GALNT18: variants seen among roughly 807,000 people sequenced by gnomAD.
GALNT18 encodes polypeptide N-acetylgalactosaminyltransferase 18.
A neutral mutation model predicts 69.5 loss-of-function variants in GALNT18; 44 were observed. That is an observed-to-expected ratio of 0.63 (90% confidence interval 0.50 to 0.81). The LOEUF (loss-of-function observed/expected upper bound fraction) is 0.81, where lower values mean the gene tolerates loss of function less well. GALNT18 is among the 40% of genes least tolerant of loss of function. GALNT18 has a pLI of 0.00. For synonymous variants in GALNT18, 364 were observed against 318.2 expected (o/e 1.14, Z -1.53); for missense variants, 715 against 810.0 (o/e 0.88, Z 1.42).
At chr11:11,431,386 C>T (rs1324004470) in intron 3 of GALNT18, among the ~76,000 whole-genome samples, 1 of 152,160 alleles carries the variant, frequency 6.6e-6, no homozygotes, top group Non-Finnish European at 1.5e-5. Context: ...GGGTCCCAGG[C>T]TAGATGATGG....
chr11:11,344,740 C>A (rs1352366084), intron 6 of GALNT18, among the ~76,000 whole-genome samples: 2 of 151,978 alleles, frequency 1.3e-5, no homozygotes, highest in African/African-American at 4.8e-5. Flanking sequence ...AACACTGAGC[C>A]TACCTCAGTG....
At chr11:11,371,959 C>T (rs113256830) in intron 6 of GALNT18, among the ~76,000 whole-genome samples, 73 of 152,234 alleles carry the variant, frequency 4.8e-4, no homozygotes, top group African/African-American at 1.5e-3. Context: ...AGGAGAATGG[C>T]GTGAGGCAGG....
intron 10 of GALNT18, among the ~76,000 whole-genome samples, chr11:11,286,071 C>T (rs1849186877): frequency 1.3e-5 from 2 of 152,148 alleles, no homozygotes; most frequent in South Asian, 2.1e-4. Flanking sequence ...GAGAATGAAG[C>T]AAGCACAGGG....
chr11:11,416,030 A>G (rs1854849851), intron 3 of GALNT18, among the ~76,000 whole-genome samples: 1 of 152,194 alleles, frequency 6.6e-6, no homozygotes, highest in Non-Finnish European at 1.5e-5. Context: ...CTCAGCAAAC[A>G]ACTTTGTTTT....
rs1252443023 is a variant in GALNT18, at chr11:11,540,007, G to A, written c.235+81352C>T. Among the ~76,000 whole-genome samples, 1 of 152,148 alleles carries A rather than the reference G, an allele frequency of 6.6e-6. No individual in the cohort carries two copies. Among genetic ancestry groups the A allele is most frequent in the African/African-American group, 2.4e-5 (1 of 41,438 alleles). ...TACCAATGGGAAATGAGGGGAGACG[G>A]AGCTGCACAGGGGACCCCGATGCCA... On this transcript the variant is annotated intron_variant, in intron 1 of 10. Coordinates refer to ENST00000227756, the MANE Select transcript of GALNT18 (RefSeq NM_198516.3). The surrounding 1 kb of genome is among the most constrained non-coding windows in gnomAD (Gnocchi z 4.6).
rs1854546416 is a variant in GALNT18, at chr11:11,404,615, G to A, written c.596-25351C>T. ...AAACCTAAGCCCTCCGCCCCACCCT[G>A]CGTTCTGGAATTCCTCTCAAGCTTT... is the stretch of plus-strand genomic sequence containing the variant. On this transcript the variant is annotated intron_variant, in intron 3 of 10. Coordinates refer to ENST00000227756, the MANE Select transcript of GALNT18 (RefSeq NM_198516.3). This position sits in a 1 kb window ranked among gnomAD's most constrained non-coding sequence, Gnocchi z 4.5. Among the ~76,000 whole-genome samples, 1 of 152,102 alleles carries A rather than the reference G, an allele frequency of 6.6e-6. No homozygotes were observed. Among genetic ancestry groups the A allele is most frequent in the Non-Finnish European group, 1.5e-5 (1 of 68,022 alleles).
At chr11:11,506,597 T>G (rs1857073772) in intron 1 of GALNT18, among the ~76,000 whole-genome samples, 1 of 152,218 alleles carries the variant, frequency 6.6e-6, no homozygotes, top group Non-Finnish European at 1.5e-5. Flanking sequence ...AACTATTGAT[T>G]CCCGTCATTG....
chr11:11,373,279 A>G (rs1468065263), intron 5 of GALNT18, among the ~76,000 whole-genome samples: 4 of 152,158 alleles, frequency 2.6e-5, no homozygotes, highest in Non-Finnish European at 5.9e-5. Context: ...ATCCAGGTGA[A>G]AAATGATGGA....
intron 1 of GALNT18, among the ~76,000 whole-genome samples, chr11:11,492,551 G>T (rs1416528541): frequency 4.6e-5 from 7 of 152,196 alleles, no homozygotes; most frequent in African/African-American, 1.7e-4. Flanking sequence ...TATATGCCAT[G>T]GAATATTGTG....
Position 11,542,702 on chromosome 11 carries a change from G to T in GALNT18, c.235+78657C>A, listed in dbSNP as rs1857955470. Reference sequence around the variant, plus strand: ...TGTAATCTTGGTCACCTCTCTGCGTGTATCACATTTGTGTAAAGCAAATTT... The same window carrying T: ...TGTAATCTTGGTCACCTCTCTGCGTTTATCACATTTGTGTAAAGCAAATTT... On this transcript the variant is annotated intron_variant, in intron 1 of 10. Coordinates refer to ENST00000227756, the MANE Select transcript of GALNT18 (RefSeq NM_198516.3). This position sits in a 1 kb window ranked among gnomAD's most constrained non-coding sequence, Gnocchi z 4.3. Among the ~76,000 whole-genome samples the T allele has an allele frequency of 6.6e-6, 1 of 152,176 alleles. No individual in the cohort carries two copies. Among genetic ancestry groups the T allele is most frequent in the Non-Finnish European group, 1.5e-5 (1 of 68,024 alleles).
chr11:11,443,509 T>A (rs1378056508), intron 2 of GALNT18, among the ~76,000 whole-genome samples: 2 of 151,756 alleles, frequency 1.3e-5, no homozygotes, highest in African/African-American at 4.8e-5. Flanking sequence ...TTGCCCCTCC[T>A]AGATTATTTT....
At chr11:11,487,754 A>G (rs1213702605) in intron 1 of GALNT18, among the ~76,000 whole-genome samples, 1 of 152,186 alleles carries the variant, frequency 6.6e-6, no homozygotes, top group East Asian at 1.9e-4. Context: ...GTATGACCAG[A>G]GCTAGCCAGT....
chr11:11,301,973 G>C (rs1323554615), intron 9 of GALNT18, among the ~76,000 whole-genome samples: 1 of 152,204 alleles, frequency 6.6e-6, no homozygotes, highest in Admixed American at 6.5e-5. Context: ...TGAGTAATGA[G>C]TCTAAAGACA....
In GALNT18 at chr11:11,511,477, G is replaced by A. The variant is rs1262751953; in HGVS notation, c.236-62541C>T. 2.6e-5 allele frequency among the ~76,000 whole-genome samples: 4 copies of A among 152,200 alleles called. 1 individual carries two copies. Among genetic ancestry groups the A allele is most frequent in the Non-Finnish European group, 1.5e-5 (1 of 68,046 alleles). On this transcript the variant is annotated intron_variant, in intron 1 of 10. Transcript: ENST00000227756. The surrounding 1 kb of genome is among the most constrained non-coding windows in gnomAD (Gnocchi z 4.9). ...CCCAGAATAGGCCCCAGACAATCCT[G>A]AGGAGACCTGGCTAATGCAGTGGTT...
chr11:11,405,492 G>A (rs896900930), intron 3 of GALNT18, among the ~76,000 whole-genome samples: 1 of 152,154 alleles, frequency 6.6e-6, no homozygotes, highest in African/African-American at 2.4e-5. Context: ...GAGGGTACTT[G>A]TGCACATGAG....
At chr11:11,325,002 T>G (rs2632004) in intron 9 of GALNT18, among the ~76,000 whole-genome samples, 6,578 of 152,284 alleles carry the variant, frequency 0.043, 394 homozygotes, top group African/African-American at 0.14. Context: ...ATCCCACTAC[T>G]GGGTATCTAC....
intron 3 of GALNT18, among the ~76,000 whole-genome samples, chr11:11,426,236 C>A (rs376060167): frequency 3.3e-5 from 5 of 152,334 alleles, no homozygotes; most frequent in African/African-American, 1.2e-4. Flanking sequence ...CTGCACTCCA[C>A]CCCACATTCA....
chr11:11,427,192 G>T (rs945026208), intron 3 of GALNT18, among the ~76,000 whole-genome samples: 1 of 152,212 alleles, frequency 6.6e-6, no homozygotes, highest in Non-Finnish European at 1.5e-5. Flanking sequence ...TGTTGAGAAA[G>T]TTGCTAAGGA....
intron 1 of GALNT18, among the ~76,000 whole-genome samples, chr11:11,490,031 G>T (rs980547215): frequency 6.6e-6 from 1 of 152,184 alleles, no homozygotes; most frequent in South Asian, 2.1e-4. Flanking sequence ...ATGTGACAGT[G>T]TTGGAACATG....
Sources: gnomAD v4.1 joint callset for allele counts (sites outside exome capture counted in the v4.1 genomes callset) on GRCh38, gnomAD v4.1.1 for gene constraint, Gnocchi (gnomAD v3.1) non-coding constraint, MANE v1.5 for transcripts, NCBI Gene and HGNC (gene_info 2026-07-23, HGNC 2026-07-21) for gene names.